Variants in CENPE observed in about 807,000 individuals in gnomAD.
CENPE encodes centromere-associated protein E.
A neutral mutation model predicts 336.1 loss-of-function variants in CENPE; 145 were observed. The observed-to-expected ratio is 0.43, with a 90% CI of 0.38 to 0.50. The LOEUF is 0.50. Ranked by LOEUF, CENPE falls within the 20% of genes least tolerant of loss-of-function variation. The pLI is 0.00. For missense variants in CENPE, 2,719 were observed against 3,023.3 expected, an observed-to-expected ratio of 0.90 and a Z score of 2.36; for synonymous variants, 1,013 against 984.8, an observed-to-expected ratio of 1.03 and a Z score of -0.54.
Position 103,195,975 on chromosome 4 carries a change from T to C in CENPE, c.302A>G (p.Asp101Gly), listed in dbSNP as rs769386763. ...TGCCCTGGGTATAACTCCCAAATGA[T>C]CTTCTGAACCCATCATGGTATATGT... The part of the protein sequence containing the change: ...GKTYTMMGSE[D>G]HLGVIPRAIH... Residue 101 changes from aspartate to glycine, a missense_variant, in exon 4 of 49, where the codon GAT becomes GGT. Transcript: ENST00000265148. The C allele has an allele frequency of 1.9e-6, 3 of 1,613,842 alleles. No homozygotes were observed. In the South Asian group the frequency reaches 3.3e-5, roughly 18 times the overall value.
intron 16 of CENPE, 55 bp from the exon 17 acceptor site, chr4:103,163,608 CAAAAAAAA>C (rs11315612): frequency 6.7e-6 from 2 of 300,218 alleles, no homozygotes; most frequent in African/African-American, 3.1e-5. Flanking sequence ...TAAAGCAAAG[CAAAAAAAA>C]AAAAAAAAAG....
intron 2 of CENPE, among the ~76,000 whole-genome samples, 193 bp from the exon 3 acceptor site, chr4:103,196,445 T>C (rs1757741586): frequency 6.6e-6 from 1 of 152,184 alleles, no homozygotes; most frequent in Admixed American, 6.5e-5. Flanking sequence ...AATGAGTTCA[T>C]TTTCACACAC....
rs756613163 is a variant in CENPE, at chr4:103,147,596, G to A, written c.3894C>T (p.Val1298=). The A allele has an allele frequency of 1.9e-6, 3 of 1,613,582 alleles. No individual in the cohort carries two copies. Among genetic ancestry groups the A allele is most frequent in the Admixed American group, 1.7e-5 (1 of 60,010 alleles). Reference sequence around the variant, plus strand: ...CATTCATTGTTTCCTGAGTCTCACTGACTTCTTTCACATTAGGCAGTAACT... The same window carrying A: ...CATTCATTGTTTCCTGAGTCTCACTAACTTCTTTCACATTAGGCAGTAACT... ...EQELLPNVKE[V]SETQETMNEL... is the part of the protein sequence containing the mutation. The change falls in exon 29 of 49, where the codon GTC becomes GTT. Residue 1298 remains valine (V), a synonymous_variant. Transcript: ENST00000265148.
At chr4:103,192,847 A>T (rs989953401) in intron 8 of CENPE, among the ~76,000 whole-genome samples, 2 of 152,190 alleles carry the variant, frequency 1.3e-5, no homozygotes, top group Admixed American at 6.5e-5. Context: ...AGTCATCAAC[A>T]TGGAAATGAT....
rs753285937 is a variant in CENPE at position 103,196,797 on chromosome 4, A to G, written c.110T>C (p.Val37Ala). The change falls in exon 2 of 49, where the codon GTC (valine) becomes GCC (alanine). Residue 37 changes from valine to alanine, a missense_variant. Physicochemically the swap from Val to Ala is moderately conservative, Grantham distance 64 (BLOSUM62 0). Around this residue, in one of 5 missense-constraint regions of CENPE, gnomAD observed 48 missense variants for 50.8 expected, o/e 0.94. Coordinates refer to ENST00000265148, the MANE Select transcript of CENPE (RefSeq NM_001813.3). The part of the protein sequence containing the change: ...AQVYWKTDNN[V>A]IYQVDGSKSF... ...TTTACTTCCATCAACTTGATAAATG[A>G]CATTATTGTCAGTTTTCCAGTAAAC... 3.8e-6 allele frequency: 6 copies of G among 1,599,062 alleles called. No homozygotes were observed. In the East Asian group the frequency reaches 6.7e-5, roughly 18 times the overall value.
intron 15 of CENPE, 103 bp from the exon 16 acceptor site, chr4:103,175,006 A>T: frequency 1.5e-6 from 1 of 676,844 alleles, no homozygotes; most frequent in Non-Finnish European, 2.3e-6. Flanking sequence ...CTTTGATTTG[A>T]TATCTTTCTA....
At position 103,147,344 on chromosome 4, in the gene CENPE, T is replaced by C. The variant is rs1753139573; in HGVS notation, c.4134+12A>G. 1.9e-6 allele frequency: 3 copies of C among 1,584,304 alleles called. No individual in the cohort carries two copies. Among genetic ancestry groups the C allele is most frequent in the South Asian group, 1.2e-5 (1 of 85,284 alleles). On this transcript the variant is annotated intron_variant, in intron 29 of 48. Transcript: ENST00000265148. ...GACACTTGTTAAAATGGGAGGAAAA[T>C]ACGAAACTTACTTTAGCCAAAGTTT... is the stretch of plus-strand genomic sequence containing the variant.
At position 103,122,990 on chromosome 4, in the gene CENPE, G is replaced by C. The variant is rs1235020568; in HGVS notation, c.7024C>G (p.Leu2342Val). The change falls in exon 43 of 49, where the codon CTA becomes GTA. Residue 2342 changes from leucine to valine, a missense_variant. This residue lies in a region of CENPE where 2,437 missense variants were observed against 2,513.3 expected (regional missense o/e 0.97). Transcript: ENST00000265148. The part of the protein sequence containing the change: ...LKSLKEKNEK[L>V]FKNYQTLKTS... ...TTCAATGTTTGGTAGTTTTTAAATA[G>C]TTTTTCATTTTTCTCTTTCAGTGAT... 2.5e-6 allele frequency: 4 copies of C among 1,613,736 alleles called. No individual in the cohort carries two copies. The Admixed American group carries it at 6.7e-5, about 27-fold the overall frequency.
chr4:103,176,076 C>T (rs1238378964), intron 14 of CENPE, 28 bp from the exon 15 acceptor site: 1 of 1,391,914 alleles, frequency 7.2e-7, no homozygotes, highest in Non-Finnish European at 9.9e-7. Flanking sequence ...AAAAATTTGT[C>T]CATGAACATG....
Position 103,147,590 on chromosome 4 carries a change from C to G in CENPE, c.3900G>C (p.Glu1300Asp), listed in dbSNP as rs755382022. 3.1e-6 allele frequency: 5 copies of G among 1,613,746 alleles called. No homozygotes were observed. The South Asian group carries it at 5.5e-5, about 18-fold the overall frequency. The change falls in exon 29 of 49, where the codon GAG becomes GAC. Residue 1300 changes from glutamate (E) to aspartate (D), a missense_variant. By Grantham distance (45) the Glu-to-Asp change is conservative. Transcript: ENST00000265148. ...ELLPNVKEVS[E>D]TQETMNELEL... ...CCAGTTCATTCATTGTTTCCTGAGTCTCACTGACTTCTTTCACATTAGGCA... is the reference window on the plus strand; with the variant it reads ...CCAGTTCATTCATTGTTTCCTGAGTGTCACTGACTTCTTTCACATTAGGCA...
At chr4:103,123,175 G>T (rs1476163873) in intron 42 of CENPE, 86 bp from the exon 43 acceptor site, 11 of 950,168 alleles carry the variant, frequency 1.2e-5, no homozygotes, top group Middle Eastern at 3.1e-4. Context: ...CATGGTTTCA[G>T]TTACCCTCAG....
chr4:103,183,313 A>G, intron 9 of CENPE, 25 bp from the exon 10 acceptor site: 1 of 1,576,268 alleles, frequency 6.3e-7, no homozygotes, highest in East Asian at 2.2e-5. Flanking sequence ...CAAATATGAA[A>G]ACTAAACTTG....
intron 39 of CENPE, among the ~76,000 whole-genome samples, chr4:103,136,830 A>G (rs1051446173): frequency 6.6e-6 from 1 of 152,202 alleles, no homozygotes; most frequent in Non-Finnish European, 1.5e-5. Flanking sequence ...TACTTCACAC[A>G]ATCCTACTAT....
At chr4:103,144,144 G>A (rs1043920356) in intron 33 of CENPE, among the ~76,000 whole-genome samples, 187 bp downstream of exon 33, 1 of 152,040 alleles carries the variant, frequency 6.6e-6, no homozygotes, top group Non-Finnish European at 1.5e-5. Flanking sequence ...CACCATGTTA[G>A]CCAGGATGGT....
At chr4:103,133,940 T>C (rs1360566341) in intron 40 of CENPE, 48 bp from the exon 41 acceptor site, 8 of 1,235,708 alleles carry the variant, frequency 6.5e-6, no homozygotes, top group South Asian at 3.9e-5. Context: ...TTTTGTCACA[T>C]GTAGAGAAAG....
chr4:103,162,595 C>G (rs932398913), intron 18 of CENPE, among the ~76,000 whole-genome samples: 3 of 147,880 alleles, frequency 2.0e-5, no homozygotes, highest in Non-Finnish European at 4.5e-5. Flanking sequence ...TTTTTGGAGA[C>G]AGAGTCTTGC....
In CENPE at chr4:103,132,960, T is replaced by TTATA. The variant is rs56951110; in HGVS notation, c.6721-68_6721-65dup. On this transcript the variant is annotated intron_variant, in intron 41 of 48. Coordinates refer to ENST00000265148, the MANE Select transcript of CENPE (RefSeq NM_001813.3). ...GAAAGTTTTGATCCAAATATTTTAT[T>TTATA]TATATATATATATATATATATATAA... 1,172 of 148,108 alleles carry TTATA rather than the reference T, an allele frequency of 7.9e-3. 35 individuals carry two copies. The highest frequency in any genetic ancestry group is 0.028 in the African/African-American group (770 of 27,764). The allele number at this position is 148,108 out of a possible 1,614,324, so 9.2% of individuals were successfully genotyped here.
chr4:103,165,195 C>T (rs1754799872), intron 16 of CENPE, among the ~76,000 whole-genome samples: 1 of 152,128 alleles, frequency 6.6e-6, no homozygotes, highest in Admixed American at 6.5e-5. Flanking sequence ...ATCTGATCTA[C>T]AGTTAATCCA....
intron 18 of CENPE, among the ~76,000 whole-genome samples, chr4:103,162,060 G>T (rs1254573464): frequency 6.6e-6 from 1 of 152,048 alleles, no homozygotes; most frequent in Admixed American, 6.5e-5. Flanking sequence ...TAAGGAAAAA[G>T]AAATAGTAAT....
Sources: allele counts gnomAD v4.1 joint callset (sites outside exome capture counted in the v4.1 genomes callset), GRCh38; gene constraint gnomAD v4.1.1; regional missense constraint gnomAD v4.1.1; transcripts MANE v1.5; gene names NCBI Gene and HGNC (gene_info 2026-07-23, HGNC 2026-07-21).